NRF1: variants seen among roughly 807,000 people sequenced by gnomAD.
NRF1 encodes alpha palindromic-binding protein.
NRF1 carries 5 observed loss-of-function variants against 58.5 expected under a neutral mutation model. That is an observed-to-expected ratio of 0.09 (90% confidence interval 0.04 to 0.18). The LOEUF is 0.18. Ranked by LOEUF, NRF1 falls within the 10% of genes least tolerant of loss-of-function variation. The pLI, the probability that NRF1 is intolerant of heterozygous loss-of-function variation, is 1.00. For missense variants in NRF1, 288 were observed against 657.7 expected (o/e 0.44, Z 6.15); for synonymous variants, 224 against 246.7 (o/e 0.91, Z 0.86).
intron 1 of NRF1, among the ~76,000 whole-genome samples, chr7:129,643,947 T>C (rs1283767441): frequency 2.0e-5 from 3 of 152,232 alleles, no homozygotes. Context: ...CGTTCATTGA[T>C]GTCCCCTTGC....
chr7:129,617,010 C>T lies in NRF1; in HGVS notation c.-7+5186C>T, dbSNP rs191776243. On this transcript the variant is annotated intron_variant, in intron 1 of 10. Transcript: ENST00000393232. ...TGGGTTATCAGTTTGGTGATTTAGA[C>T]TATAGTAATTGCATTGTTTAATATG... Among the ~76,000 whole-genome samples, 14 of 152,256 alleles carry T rather than the reference C, an allele frequency of 9.2e-5. No individual in the cohort carries two copies. In the East Asian group the frequency reaches 2.5e-3, roughly 27 times the overall value.
chr7:129,738,797 G>C (rs921653165), intron 10 of NRF1, among the ~76,000 whole-genome samples: 1 of 152,130 alleles, frequency 6.6e-6, no homozygotes, highest in East Asian at 1.9e-4. Context: ...ACCGGGACTT[G>C]CCCAGGATCT....
chr7:129,663,412 C>A (rs560186144), intron 2 of NRF1, among the ~76,000 whole-genome samples: 2 of 146,382 alleles, frequency 1.4e-5, no homozygotes, highest in African/African-American at 5.1e-5. Context: ...ACCTCCCAGA[C>A]GGGGTGGCGG....
chr7:129,744,050 C>A, intron 10 of NRF1: 1 of 807,092 alleles, frequency 1.2e-6, no homozygotes, highest in Non-Finnish European at 1.9e-6. Context: ...GTGGAAGGAG[C>A]GAGGCTGTGC....
At chr7:129,639,215 A>G (rs1016416053) in intron 1 of NRF1, among the ~76,000 whole-genome samples, 2 of 151,848 alleles carry the variant, frequency 1.3e-5, no homozygotes, top group Admixed American at 1.3e-4. Flanking sequence ...GTGCGCCACC[A>G]TGCCTGGCTA....
At position 129,755,613 on chromosome 7, in the gene NRF1, G is replaced by GAAAC. The variant is rs1804235387; in HGVS notation, c.*435_*438dup. The GAAAC allele has an allele frequency of 6.6e-6, 1 of 152,218 alleles. No homozygotes were observed. The highest frequency in any genetic ancestry group is 2.1e-4 in the South Asian group (1 of 4,828). The allele number at this position is 152,218 out of a possible 1,614,324, so 9.4% of individuals were successfully genotyped here. The stretch of plus-strand genomic sequence containing the variant: ...CTGTATGAAATCAAGGTGCGCTGTG[G>GAAAC]AAACAATAATTCACCCAGTTTAGTG... On this transcript the variant is annotated 3_prime_UTR_variant, in exon 11 of 11. Coordinates refer to ENST00000393232, the MANE Select transcript of NRF1 (RefSeq NM_005011.5). The surrounding 1 kb of genome is among the most constrained non-coding windows in gnomAD (Gnocchi z 5.8).
At chr7:129,739,695 T>C (rs943927082) in intron 10 of NRF1, among the ~76,000 whole-genome samples, 1 of 152,090 alleles carries the variant, frequency 6.6e-6, no homozygotes, top group African/African-American at 2.4e-5. Flanking sequence ...ACATCAAGAC[T>C]CACTTCCTAG....
intron 6 of NRF1, among the ~76,000 whole-genome samples, chr7:129,710,079 G>A (rs927230815): frequency 2.0e-5 from 3 of 152,156 alleles, no homozygotes; most frequent in African/African-American, 7.2e-5. Context: ...ATCTTAATAT[G>A]CCATTCTTGA....
chr7:129,737,767 T>TA (rs1454343473), intron 10 of NRF1, among the ~76,000 whole-genome samples: 4 of 152,234 alleles, frequency 2.6e-5, no homozygotes, highest in African/African-American at 9.6e-5. Flanking sequence ...ATGAATGTAT[T>TA]AAATAGTCTT....
chr7:129,616,436 C>CA (rs1315785847), intron 1 of NRF1, among the ~76,000 whole-genome samples: 2 of 151,934 alleles, frequency 1.3e-5, no homozygotes, highest in African/African-American at 4.8e-5. Flanking sequence ...TTTAAAAAAA[C>CA]AAAAAAACGA....
At chr7:129,653,663 A>C (rs1801587640) in intron 1 of NRF1, among the ~76,000 whole-genome samples, 1 of 152,232 alleles carries the variant, frequency 6.6e-6, no homozygotes, top group East Asian at 1.9e-4. Context: ...ATCCTTGGCA[A>C]CCTCTAATCT....
Position 129,652,715 on chromosome 7 carries a change from C to T in NRF1, c.-6-4631C>T, listed in dbSNP as rs181191830. ...ACGCCATTCTCCTACCTCAGCCTCCCGAGTAGCTGGGACTGCAGGCGCCCG... is the reference window on the plus strand; with the variant it reads ...ACGCCATTCTCCTACCTCAGCCTCCTGAGTAGCTGGGACTGCAGGCGCCCG... On this transcript the variant is annotated intron_variant, in intron 1 of 10. Transcript: ENST00000393232. 5.9e-5 allele frequency among the ~76,000 whole-genome samples: 9 copies of T among 152,240 alleles called. No individual in the cohort carries two copies. In the East Asian group the frequency reaches 9.7e-4, roughly 16 times the overall value.
At chr7:129,615,614 C>T (rs1054148521) in intron 1 of NRF1, among the ~76,000 whole-genome samples, 1 of 152,138 alleles carries the variant, frequency 6.6e-6, no homozygotes, top group Admixed American at 6.5e-5. Context: ...TATAATTTTC[C>T]ATGAATGCTT....
rs565335083 is a variant in NRF1, at chr7:129,730,537, T to C, written c.1348+3172T>C. Among the ~76,000 whole-genome samples, 24 of 152,260 alleles carry C rather than the reference T, an allele frequency of 1.6e-4. No homozygotes were observed. The South Asian group carries it at 4.8e-3, about 30-fold the overall frequency. On this transcript the variant is annotated intron_variant, in intron 10 of 10. Transcript: ENST00000393232. ...ATTTGGATATCATTCAGTTCTGAAG[T>C]AGAAAGAGTTTGTGGGATGGAACTA...
intron 8 of NRF1, among the ~76,000 whole-genome samples, chr7:129,713,237 C>T (rs911927632): frequency 2.6e-5 from 4 of 151,896 alleles, no homozygotes; most frequent in African/African-American, 4.8e-5. Context: ...GCACCAGGCA[C>T]GCACCACCAT....
At chr7:129,695,847 T>C (rs1802680104) in intron 5 of NRF1, among the ~76,000 whole-genome samples, 1 of 151,432 alleles carries the variant, frequency 6.6e-6, no homozygotes, top group Admixed American at 6.6e-5. Flanking sequence ...TCATTTTCTT[T>C]ATCTAAATAA....
chr7:129,733,590 C>G (rs1369868606), intron 10 of NRF1, among the ~76,000 whole-genome samples: 1 of 152,216 alleles, frequency 6.6e-6, no homozygotes, highest in African/African-American at 2.4e-5. Context: ...TCTACCCCAG[C>G]TTTCCCCAGG....
chr7:129,627,181 A>G (rs914688280), intron 1 of NRF1, among the ~76,000 whole-genome samples: 5 of 152,138 alleles, frequency 3.3e-5, no homozygotes, highest in African/African-American at 1.2e-4. Context: ...GATAGCATAT[A>G]TGCATATGGT....
chr7:129,637,014 C>A (rs1332367566), intron 1 of NRF1, among the ~76,000 whole-genome samples: 2 of 152,128 alleles, frequency 1.3e-5, no homozygotes, highest in African/African-American at 4.8e-5. Flanking sequence ...GACCCACAGA[C>A]CAGTCAATAA....
Sources: gnomAD v4.1 joint callset for allele counts (sites outside exome capture counted in the v4.1 genomes callset) on GRCh38, gnomAD v4.1.1 for gene constraint, Gnocchi (gnomAD v3.1) non-coding constraint, MANE v1.5 for transcripts, NCBI Gene and HGNC (gene_info 2026-07-23, HGNC 2026-07-21) for gene names.